Variants in TGM3 observed in about 807,000 individuals in gnomAD.
The protein encoded by TGM3 is protein-glutamine gamma-glutamyltransferase E.
In TGM3, 52 loss-of-function variants were observed where a neutral mutation model predicts 73.8. The observed-to-expected ratio is 0.70, with a 90% CI of 0.56 to 0.89. TGM3 has a LOEUF of 0.89. TGM3 is among the 40% of genes least tolerant of loss of function. The probability of loss-of-function intolerance (pLI) is 0.00; values close to 1 mark genes in which losing one functional copy is unlikely to be tolerated. For missense variants in TGM3, 928 were observed against 909.9 expected (o/e 1.02, Z -0.26); for synonymous variants, 372 against 354.9 (o/e 1.05, Z -0.54).
rs1262148713 is a variant in TGM3 at position 2,332,621 on chromosome 20, G to C, written c.1642+311G>C. ...ATATACCACCTCACACAGTTTGACC[G>C]TCTAAAAAAAGGCAGATTTTCAGTG... On this transcript the variant is annotated intron_variant, in intron 10 of 12. Transcript: ENST00000381458. The surrounding 1 kb of genome is among the most constrained non-coding windows in gnomAD (Gnocchi z 4.4). Among the ~76,000 whole-genome samples the C allele has an allele frequency of 1.3e-5, 2 of 152,044 alleles. No homozygotes were observed. The highest frequency in any genetic ancestry group is 3.9e-4 in the East Asian group (2 of 5,186).
chr20:2,329,307 A>C (rs1174740983), intron 9 of TGM3, among the ~76,000 whole-genome samples: 2 of 152,210 alleles, frequency 1.3e-5, no homozygotes, highest in East Asian at 3.9e-4. Flanking sequence ...CCGAGTTTAC[A>C]AAAAAGGAAA....
chr20:2,332,232 T>C lies in TGM3; in HGVS notation c.1564T>C (p.Trp522Arg), dbSNP rs1217579145. 1 of 1,614,020 alleles carries C rather than the reference T, an allele frequency of 6.2e-7. No homozygotes were observed. The highest frequency in any genetic ancestry group is 2.2e-5 in the East Asian group (1 of 44,876). Residue 522 changes from tryptophan to arginine, a missense_variant, in exon 10 of 13, where the codon TGG becomes CGG. Physicochemically the swap from Trp to Arg is moderately radical, Grantham distance 101. Coordinates refer to ENST00000381458, the MANE Select transcript of TGM3 (RefSeq NM_003245.4). This position sits in a 1 kb window ranked among gnomAD's most constrained non-coding sequence, Gnocchi z 4.4. ...TKTVTVNMTA[W>R]TIIYNGTLVH... is the part of the protein sequence containing the mutation. The stretch of plus-strand genomic sequence containing the variant: ...GACAGTGACAGTGAACATGACAGCC[T>C]GGACCATCATCTACAACGGCACGCT...
At position 2,341,028 on chromosome 20, in the gene TGM3, C is replaced by T; in HGVS notation, c.*447C>T. 1 of 446,440 alleles carries T rather than the reference C, an allele frequency of 2.2e-6. No individual in the cohort carries two copies. Among genetic ancestry groups the T allele is most frequent in the Admixed American group, 2.4e-5 (1 of 41,850 alleles). 27.7% of individuals were successfully genotyped at this position (446,440 alleles called of 1,614,324 possible). ...GGCAGGGGATGGTTAGTCACCTGCC[C>T]CAGCACTCACACCCTAACTCAAAAT... On this transcript the variant is annotated 3_prime_UTR_variant, in exon 13 of 13. Coordinates refer to ENST00000381458, the MANE Select transcript of TGM3 (RefSeq NM_003245.4).
intron 10 of TGM3, 63 bp from the exon 11 acceptor site, chr20:2,335,053 T>C (rs2084341469): frequency 1.0e-5 from 16 of 1,594,050 alleles, no homozygotes; most frequent in Non-Finnish European, 1.4e-5. Context: ...GCATCTGTTC[T>C]GAGGAAGGTT....
intron 11 of TGM3, among the ~76,000 whole-genome samples, chr20:2,338,828 C>T (rs1177951627): frequency 6.6e-6 from 1 of 152,262 alleles, no homozygotes. Flanking sequence ...TCCTTGATCT[C>T]ATTTGACCCC....
In TGM3 at chr20:2,334,151, G is replaced by A. The variant is rs566130572; in HGVS notation, c.1643-965G>A. ...AGAGGACTTAAAGCGTGGGGAAGGAGCCGGATGCATGGAGAGAAGCCAGGG... is the reference window on the plus strand; with the variant it reads ...AGAGGACTTAAAGCGTGGGGAAGGAACCGGATGCATGGAGAGAAGCCAGGG... On this transcript the variant is annotated intron_variant, in intron 10 of 12. Transcript: ENST00000381458. This position sits in a 1 kb window ranked among gnomAD's most constrained non-coding sequence, Gnocchi z 4.0. 1.1e-4 allele frequency among the ~76,000 whole-genome samples: 17 copies of A among 152,350 alleles called. No individual in the cohort carries two copies. The highest frequency in any genetic ancestry group is 2.6e-4 in the African/African-American group (11 of 41,580).
Position 2,312,936 on chromosome 20 carries a change from G to A in TGM3, c.579G>A (p.Leu193=). ...EDILSICLSI[L]DRSLNFRRDA... is the part of the protein sequence containing the mutation. ...TTCTCAGCATCTGCCTCTCAATCTT[G>A]GATAGGAGTCTGAATTTCCGCCGTG... is the stretch of plus-strand genomic sequence containing the variant. Residue 193 remains leucine (L), a synonymous_variant, in exon 5 of 13, where the codon TTG becomes TTA. Coordinates refer to ENST00000381458, the MANE Select transcript of TGM3 (RefSeq NM_003245.4). The A allele has an allele frequency of 6.2e-7, 1 of 1,614,168 alleles. No individual in the cohort carries two copies. Among genetic ancestry groups the A allele is most frequent in the South Asian group, 1.1e-5 (1 of 91,086 alleles).
Position 2,339,267 on chromosome 20 carries a change from C to CT in TGM3, c.1801-586dup, listed in dbSNP as rs1267228097. ...CTGCCCTTTTCAACACCTGTGGGGC[C>CT]TCCCAGAGACGGAGGTTCAAGCTTT... On this transcript the variant is annotated intron_variant, in intron 11 of 12. Transcript: ENST00000381458. Among the ~76,000 whole-genome samples the CT allele has an allele frequency of 8.5e-5, 13 of 152,294 alleles. No individual in the cohort carries two copies. The South Asian group carries it at 2.7e-3, about 32-fold the overall frequency.
At chr20:2,305,538 T>C (rs1435090584) in intron 1 of TGM3, among the ~76,000 whole-genome samples, 2 of 152,208 alleles carry the variant, frequency 1.3e-5, no homozygotes, top group Non-Finnish European at 2.9e-5. Flanking sequence ...ACTGACCACA[T>C]ACATAACATG....
At chr20:2,310,779 G>T (rs1342652345) in intron 3 of TGM3, among the ~76,000 whole-genome samples, 1 of 152,200 alleles carries the variant, frequency 6.6e-6, no homozygotes, top group African/African-American at 2.4e-5. Flanking sequence ...AAGAGCAGGT[G>T]TCTTATCCCT....
At position 2,328,533 on chromosome 20, in the gene TGM3, C is replaced by T. The variant is rs2084303239; in HGVS notation, c.1333+168C>T. Among the ~76,000 whole-genome samples, 1 of 152,164 alleles carries T rather than the reference C, an allele frequency of 6.6e-6. No homozygotes were observed. The highest frequency in any genetic ancestry group is 2.4e-5 in the African/African-American group (1 of 41,432). ...AACATCCACCTCCCAGGACTGTTTC[C>T]GGAGGGAACAAAACCATCACGGGCA... is the stretch of plus-strand genomic sequence containing the variant. On this transcript the variant is annotated intron_variant, in intron 9 of 12. Transcript: ENST00000381458. The surrounding 1 kb of genome is among the most constrained non-coding windows in gnomAD (Gnocchi z 5.2).
At chr20:2,340,043 C>A in intron 12 of TGM3, 56 bp downstream of exon 12, 1 of 1,503,256 alleles carries the variant, frequency 6.7e-7, no homozygotes, top group Non-Finnish European at 9.0e-7. Flanking sequence ...CGGGGGGGCC[C>A]TCCAGATCCC....
At chr20:2,330,666 C>T (rs2084315492) in intron 9 of TGM3, among the ~76,000 whole-genome samples, 2 of 152,302 alleles carry the variant, frequency 1.3e-5, no homozygotes, top group East Asian at 1.9e-4. Flanking sequence ...CTGCAAATCA[C>T]ATGTAATTTA....
At chr20:2,298,616 T>A (rs1267554815) in intron 1 of TGM3, among the ~76,000 whole-genome samples, 1 of 152,210 alleles carries the variant, frequency 6.6e-6, no homozygotes, top group Non-Finnish European at 1.5e-5. Flanking sequence ...CCAAAGGACC[T>A]GTACCATTCC....
chr20:2,337,452 C>T (rs761960958), intron 11 of TGM3, among the ~76,000 whole-genome samples: 1 of 152,154 alleles, frequency 6.6e-6, no homozygotes, highest in African/African-American at 2.4e-5. Context: ...GGCGCGGTGG[C>T]TCACTCTTGC....
At chr20:2,304,803 A>G (rs975542447) in intron 1 of TGM3, among the ~76,000 whole-genome samples, 17 of 152,108 alleles carry the variant, frequency 1.1e-4, no homozygotes, top group African/African-American at 3.9e-4. Flanking sequence ...GAGTGCACAC[A>G]CCCCTCAGTC....
chr20:2,309,303 G>T (rs1457694274), intron 1 of TGM3, among the ~76,000 whole-genome samples: 2 of 152,180 alleles, frequency 1.3e-5, no homozygotes, highest in East Asian at 3.9e-4. Flanking sequence ...CTGAACATTT[G>T]GCCCGTTCCT....
At chr20:2,335,021 C>G in intron 10 of TGM3, 95 bp from the exon 11 acceptor site, 1 of 1,488,710 alleles carries the variant, frequency 6.7e-7, no homozygotes, top group Non-Finnish European at 9.2e-7. Flanking sequence ...ATCCTCCCAC[C>G]AGCTCACCCT....
At position 2,328,417 on chromosome 20, in the gene TGM3, A is replaced by G; in HGVS notation, c.1333+52A>G. ...CCGCGAGAGGTTCTATTGTGGGAGGATGGCTCTGAGGCTGGAGAGGAGAAA... is the reference window on the plus strand; with the variant it reads ...CCGCGAGAGGTTCTATTGTGGGAGGGTGGCTCTGAGGCTGGAGAGGAGAAA... On this transcript the variant is annotated intron_variant, in intron 9 of 12. Transcript: ENST00000381458. The surrounding 1 kb of genome is among the most constrained non-coding windows in gnomAD (Gnocchi z 5.2). 3.7e-6 allele frequency: 6 copies of G among 1,605,254 alleles called. No homozygotes were observed. The highest frequency in any genetic ancestry group is 5.1e-6 in the Non-Finnish European group (6 of 1,174,620).
Sources: gnomAD v4.1 joint callset for allele counts (sites outside exome capture counted in the v4.1 genomes callset) on GRCh38, gnomAD v4.1.1 for gene constraint, Gnocchi (gnomAD v3.1) non-coding constraint, MANE v1.5 for transcripts, NCBI Gene and HGNC (gene_info 2026-07-23, HGNC 2026-07-21) for gene names.